CNTNAP2: variants seen among roughly 807,000 people sequenced by gnomAD.
The protein encoded by CNTNAP2 is contactin-associated protein-like 2.
In CNTNAP2, 98 loss-of-function variants were observed where a neutral mutation model predicts 155.2. The observed-to-expected ratio is 0.63, with a 90% CI of 0.54 to 0.75. The LOEUF (loss-of-function observed/expected upper bound fraction) is 0.75. Ranked by LOEUF, CNTNAP2 falls within the 30% of genes least tolerant of loss-of-function variation. The probability of loss-of-function intolerance (pLI) is 0.00; values close to 1 mark genes in which losing one functional copy is unlikely to be tolerated. For synonymous variants in CNTNAP2, 651 were observed against 631.2 expected (o/e 1.03, Z -0.47); for missense variants, 1,727 against 1,688.1 (o/e 1.02, Z -0.40).
In CNTNAP2 at chr7:147,822,052, C is replaced by A. The variant is rs377649350; in HGVS notation, c.2099-81513C>A. On this transcript the variant is annotated intron_variant, in intron 13 of 23. Coordinates refer to ENST00000361727, the MANE Select transcript of CNTNAP2 (RefSeq NM_014141.6). ...AAGAAATGTCCCCCAAATGTTCCAA[C>A]TGAGGACAGAGAAACTGTCCGCTAG... Among the ~76,000 whole-genome samples the A allele has an allele frequency of 3.2e-4, 49 of 152,210 alleles. 1 individual carries two copies. Among genetic ancestry groups the A allele is most frequent in the African/African-American group, 1.0e-3 (42 of 41,544 alleles).
At chr7:146,895,150 T>C (rs1795848745) in intron 3 of CNTNAP2, among the ~76,000 whole-genome samples, 1 of 151,208 alleles carries the variant, frequency 6.6e-6, no homozygotes, top group Non-Finnish European at 1.5e-5. Context: ...TTATCTTATC[T>C]AGGTGTTTTA....
At chr7:146,319,245 A>G (rs1490362011) in intron 1 of CNTNAP2, among the ~76,000 whole-genome samples, 1 of 152,172 alleles carries the variant, frequency 6.6e-6, no homozygotes, top group Non-Finnish European at 1.5e-5. Flanking sequence ...GCATGCATTT[A>G]ATTTTGAATA....
At chr7:146,428,482 G>A (rs1444188063) in intron 1 of CNTNAP2, among the ~76,000 whole-genome samples, 3 of 151,104 alleles carry the variant, frequency 2.0e-5, no homozygotes, top group East Asian at 1.9e-4. Context: ...TTTGATTTAC[G>A]TTTTTTTAAT....
chr7:147,611,155 G>A (rs944519299), intron 12 of CNTNAP2, among the ~76,000 whole-genome samples: 3 of 152,064 alleles, frequency 2.0e-5, no homozygotes, highest in Admixed American at 6.5e-5. Flanking sequence ...ATAACAGGGA[G>A]CGTTCTCTTT....
intron 1 of CNTNAP2, among the ~76,000 whole-genome samples, chr7:146,209,105 T>C (rs976886181): frequency 3.3e-5 from 5 of 152,132 alleles, no homozygotes; most frequent in African/African-American, 1.2e-4. Flanking sequence ...TGCCTCTTTC[T>C]GTAGGTGATG....
intron 8 of CNTNAP2, among the ~76,000 whole-genome samples, chr7:147,223,304 G>C (rs1803447823): frequency 6.6e-6 from 1 of 152,142 alleles, no homozygotes; most frequent in Non-Finnish European, 1.5e-5. Flanking sequence ...AATCTATAGT[G>C]AGACAGAATA....
chr7:146,553,897 G>A (rs563827280), intron 1 of CNTNAP2, among the ~76,000 whole-genome samples: 51 of 152,194 alleles, frequency 3.4e-4, no homozygotes, highest in Non-Finnish European at 6.3e-4. Flanking sequence ...GGCTTTAATA[G>A]GTGAATATAA....
Position 147,566,601 on chromosome 7 carries a change from T to G in CNTNAP2, c.1897+4344T>G, listed in dbSNP as rs12673679. On this transcript the variant is annotated intron_variant, in intron 12 of 23. Coordinates refer to ENST00000361727, the MANE Select transcript of CNTNAP2 (RefSeq NM_014141.6). ...CTTCACAAGGCGGCAGGAGAGAGCA[T>G]GTGAAGGCAGAATTGTCAAACACTT... 1.3e-4 allele frequency among the ~76,000 whole-genome samples: 20 copies of G among 152,078 alleles called. No individual in the cohort carries two copies. In the East Asian group the frequency reaches 3.3e-3, roughly 25 times the overall value.
intron 1 of CNTNAP2, among the ~76,000 whole-genome samples, chr7:146,614,337 ATATAAATGTTAG>A (rs1262845059): frequency 1.3e-5 from 2 of 152,262 alleles, no homozygotes; most frequent in Non-Finnish European, 2.9e-5. Flanking sequence ...AAGGAAATAC[ATATAAATGTTAG>A]TAAACTATCA....
intron 21 of CNTNAP2, among the ~76,000 whole-genome samples, chr7:148,374,128 G>C (rs1730400): frequency 6.6e-6 from 1 of 151,826 alleles, no homozygotes; most frequent in Non-Finnish European, 1.5e-5. Context: ...GGAAACCATC[G>C]CTTTCAATCC....
chr7:148,077,748 T>C (rs1235503683), intron 15 of CNTNAP2, among the ~76,000 whole-genome samples: 1 of 152,162 alleles, frequency 6.6e-6, no homozygotes, highest in Non-Finnish European at 1.5e-5. Flanking sequence ...CTCTTTAGAA[T>C]TGGCCTAAAC....
intron 16 of CNTNAP2, among the ~76,000 whole-genome samples, chr7:148,144,474 GA>G (rs1276190363): frequency 6.6e-6 from 1 of 152,206 alleles, no homozygotes; most frequent in Middle Eastern, 3.2e-3. Flanking sequence ...TGTGAGTAAA[GA>G]AGTCCTTTGT....
intron 13 of CNTNAP2, among the ~76,000 whole-genome samples, chr7:147,658,235 A>T (rs6979639): frequency 6.3e-5 from 7 of 111,490 alleles, no homozygotes; most frequent in Non-Finnish European, 1.2e-4. Context: ...CCAGCCTGGG[A>T]GACAGAGCGA....
intron 13 of CNTNAP2, among the ~76,000 whole-genome samples, chr7:147,818,655 A>G (rs949359066): frequency 2.6e-5 from 4 of 152,308 alleles, no homozygotes; most frequent in South Asian, 2.1e-4. Flanking sequence ...ATGCAATTCT[A>G]TCTTAATCCC....
chr7:146,719,495 T>C (rs1801248287), intron 1 of CNTNAP2, among the ~76,000 whole-genome samples: 1 of 152,168 alleles, frequency 6.6e-6, no homozygotes. Context: ...CACAGGCAGA[T>C]TTCTAGATTT....
chr7:146,760,409 C>CTTTTTTTTTTTTTTGTTT (rs1802074543), intron 1 of CNTNAP2, among the ~76,000 whole-genome samples: 1 of 56,276 alleles, frequency 1.8e-5, no homozygotes, highest in South Asian at 8.7e-4. Context: ...TCCAATTTAC[C>CTTTTTTTTTTTTTTGTTT]TTTTTTTTTT....
At position 147,176,152 on chromosome 7, in the gene CNTNAP2, A is replaced by G. The variant is rs184631322; in HGVS notation, c.1348+43643A>G. Reference sequence around the variant, plus strand: ...AGGGTAATGATTCGGTTTAATGAGGACCTTTTGGAAGTTACTTGGCTCTAA... The same window carrying G: ...AGGGTAATGATTCGGTTTAATGAGGGCCTTTTGGAAGTTACTTGGCTCTAA... On this transcript the variant is annotated intron_variant, in intron 8 of 23. Transcript: ENST00000361727. Among the ~76,000 whole-genome samples, 352 of 152,256 alleles carry G rather than the reference A, an allele frequency of 2.3e-3. 5 individuals are homozygous for G. Among genetic ancestry groups the G allele is most frequent in the Admixed American group, 0.02 (307 of 15,284 alleles).
chr7:148,345,815 C>A (rs1423179827), intron 21 of CNTNAP2, among the ~76,000 whole-genome samples: 1 of 152,052 alleles, frequency 6.6e-6, no homozygotes, highest in Non-Finnish European at 1.5e-5. Flanking sequence ...CTTATCTGTT[C>A]TAAACTTCCG....
At chr7:146,312,412 AT>A (rs147880062) in intron 1 of CNTNAP2, among the ~76,000 whole-genome samples, 1 of 152,056 alleles carries the variant, frequency 6.6e-6, no homozygotes, top group Admixed American at 6.6e-5. Context: ...TGTGTTGGCG[AT>A]TTTTTATGTG....
Sources: allele counts gnomAD v4.1 joint callset (sites outside exome capture counted in the v4.1 genomes callset), GRCh38; gene constraint gnomAD v4.1.1; transcripts MANE v1.5; gene names NCBI Gene and HGNC (gene_info 2026-07-23, HGNC 2026-07-21).